Variants in ERI3 observed in about 807,000 individuals in gnomAD.
ERI3 encodes the protein ERI1 exoribonuclease 3.
ERI3 carries 18 observed loss-of-function variants against 44.4 expected under a neutral mutation model. That is an observed-to-expected ratio of 0.41 (90% CI 0.28 to 0.60). ERI3 has a LOEUF of 0.60. ERI3 is among the 20% of genes least tolerant of loss of function. The probability of loss-of-function intolerance (pLI) is 0.36; values close to 1 mark genes in which losing one functional copy is unlikely to be tolerated. For missense variants in ERI3, 294 were observed against 435.5 expected (o/e 0.68, Z 2.89); for synonymous variants, 183 against 164.8 (o/e 1.11, Z -0.84).
chr1:44,230,062 C>T (rs1000556794), intron 8 of ERI3, among the ~76,000 whole-genome samples: 22 of 152,148 alleles, frequency 1.4e-4, no homozygotes, highest in African/African-American at 5.3e-4. Flanking sequence ...GAGTATCGAG[C>T]TCTATTGACT....
At position 44,274,334 on chromosome 1, in the gene ERI3, G is replaced by A. The variant is rs114591699; in HGVS notation, c.831+10501C>T. Reference sequence around the variant, plus strand: ...GTCAAAGGTTAGAATACCAATCAAAGTAACAGTGCCGATGCAGTGAGACAT... The same window carrying A: ...GTCAAAGGTTAGAATACCAATCAAAATAACAGTGCCGATGCAGTGAGACAT... On this transcript the variant is annotated intron_variant, in intron 7 of 8. Transcript: ENST00000372257. Among the ~76,000 whole-genome samples, 1,262 of 152,324 alleles carry A rather than the reference G, an allele frequency of 8.3e-3. 18 individuals are homozygous for A. Among genetic ancestry groups the A allele is most frequent in the African/African-American group, 0.028 (1,169 of 41,562 alleles).
intron 7 of ERI3, among the ~76,000 whole-genome samples, chr1:44,248,694 T>A (rs902488087): frequency 7.8e-6 from 1 of 127,546 alleles, no homozygotes; most frequent in African/African-American, 3.3e-5. Flanking sequence ...TGTATGTGTG[T>A]GAGAGAGAGT....
chr1:44,324,433 CTGTT>C lies in ERI3; in HGVS notation c.490-4693_490-4690del, dbSNP rs200720732. On this transcript the variant is annotated intron_variant, in intron 3 of 8. Transcript: ENST00000372257. ...TCCCAGTCTTACCTAGGGTAATCAA[CTGTT>C]TGGTTGATCAGGACCAAGGGTTTCC... is the stretch of plus-strand genomic sequence containing the variant. Among the ~76,000 whole-genome samples, 71 of 149,982 alleles carry C rather than the reference CTGTT, an allele frequency of 4.7e-4. 1 individual carries two copies. The East Asian group carries it at 0.014, about 30-fold the overall frequency.
intron 2 of ERI3, among the ~76,000 whole-genome samples, chr1:44,352,467 T>A (rs1646915206): frequency 6.6e-6 from 1 of 151,590 alleles, no homozygotes; most frequent in South Asian, 2.1e-4. Context: ...GATAGATAAA[T>A]GTTTAAAGCC....
intron 2 of ERI3, among the ~76,000 whole-genome samples, chr1:44,341,279 T>C (rs1347582621): frequency 2.6e-5 from 4 of 152,144 alleles, no homozygotes; most frequent in Non-Finnish European, 5.9e-5. Context: ...ACTCCTTAAG[T>C]GAGAACAAAA....
At chr1:44,301,478 GAGA>G (rs1645724841) in intron 6 of ERI3, among the ~76,000 whole-genome samples, 1 of 152,216 alleles carries the variant, frequency 6.6e-6, no homozygotes, top group East Asian at 1.9e-4. Context: ...CCTTACCTCA[GAGA>G]AGGAGGCCAT....
rs566674921 is a variant in ERI3, at chr1:44,295,597, G to A, written c.759-10690C>T. 1.7e-3 allele frequency among the ~76,000 whole-genome samples: 255 copies of A among 152,342 alleles called. 1 individual carries two copies. The highest frequency in any genetic ancestry group is 5.9e-3 in the African/African-American group (245 of 41,578). On this transcript the variant is annotated intron_variant, in intron 6 of 8. Transcript: ENST00000372257. ...GGCAATTTCCAACAGGATTCCTTGG[G>A]AGAGAAGAGCTGCAGTGGAGGGTAA...
chr1:44,349,343 G>A (rs1163354064), intron 2 of ERI3, among the ~76,000 whole-genome samples: 9 of 151,992 alleles, frequency 5.9e-5, no homozygotes, highest in Non-Finnish European at 8.8e-5. Flanking sequence ...TGTAGAGATG[G>A]GGTTTCACCA....
chr1:44,250,957 C>A (rs570569673), intron 7 of ERI3, among the ~76,000 whole-genome samples: 19 of 152,312 alleles, frequency 1.2e-4, no homozygotes, highest in African/African-American at 4.3e-4. Flanking sequence ...GGTACTGACA[C>A]ATGCACCTGC....
At chr1:44,262,896 C>T (rs1411119318) in intron 7 of ERI3, among the ~76,000 whole-genome samples, 2 of 152,214 alleles carry the variant, frequency 1.3e-5, no homozygotes, top group Non-Finnish European at 2.9e-5. Context: ...CAGCCTTTCT[C>T]TGGGCCAGAA....
chr1:44,331,018 A>G (rs963662695), intron 3 of ERI3, among the ~76,000 whole-genome samples: 1 of 152,054 alleles, frequency 6.6e-6, no homozygotes, highest in South Asian at 2.1e-4. Context: ...ACACTCTTGG[A>G]TTTCACTTCC....
At position 44,307,048 on chromosome 1, in the gene ERI3, TC is replaced by T. The variant is rs1178288802; in HGVS notation, c.758+1261del. Among the ~76,000 whole-genome samples the T allele has an allele frequency of 1.1e-4, 16 of 152,306 alleles. 2 individuals are homozygous for T. The highest frequency in any genetic ancestry group is 3.9e-4 in the African/African-American group (16 of 41,558). On this transcript the variant is annotated intron_variant, in intron 6 of 8. Coordinates refer to ENST00000372257, the MANE Select transcript of ERI3 (RefSeq NM_024066.3). The stretch of plus-strand genomic sequence containing the variant: ...TCCTCTGATTCATATCTGCTTCTAG[TC>T]CCAGCCTGTATAATTTCCCTGACAA...
rs894705604 is a variant in ERI3 at position 44,290,831 on chromosome 1, G to A, written c.759-5924C>T. On this transcript the variant is annotated intron_variant, in intron 6 of 8. Coordinates refer to ENST00000372257, the MANE Select transcript of ERI3 (RefSeq NM_024066.3). ...TATCAGGAAGGGCTGTCAGCCAGAG[G>A]TGCCTATCTCCTCCCCCACTACGCA... Among the ~76,000 whole-genome samples, 7 of 152,274 alleles carry A rather than the reference G, an allele frequency of 4.6e-5. No individual in the cohort carries two copies. In the South Asian group the frequency reaches 1.2e-3, roughly 27 times the overall value.
intron 2 of ERI3, among the ~76,000 whole-genome samples, chr1:44,343,309 AC>A: frequency 6.6e-6 from 1 of 152,292 alleles, no homozygotes; most frequent in East Asian, 1.9e-4. Flanking sequence ...TCAAAGTATC[AC>A]CCCACAAAAT....
intron 7 of ERI3, among the ~76,000 whole-genome samples, chr1:44,281,588 G>GA (rs769332763): frequency 0.064 from 6,583 of 103,586 alleles, 273 homozygotes; most frequent in Middle Eastern, 0.16. Flanking sequence ...ACCCCGTCTC[G>GA]AAAAAAAAAA....
At chr1:44,351,236 G>GT (rs1157680315) in intron 2 of ERI3, among the ~76,000 whole-genome samples, 3 of 152,096 alleles carry the variant, frequency 2.0e-5, no homozygotes, top group Non-Finnish European at 4.4e-5. Flanking sequence ...GTTTCAACAT[G>GT]TTGGCCAGGC....
chr1:44,339,933 A>C (rs1646616716), intron 2 of ERI3, among the ~76,000 whole-genome samples: 1 of 152,178 alleles, frequency 6.6e-6, no homozygotes, highest in African/African-American at 2.4e-5. Flanking sequence ...CCCAACCCCC[A>C]CACTAGTAAG....
At chr1:44,336,666 A>G (rs1646541999) in intron 3 of ERI3, among the ~76,000 whole-genome samples, 1 of 152,260 alleles carries the variant, frequency 6.6e-6, no homozygotes. Context: ...CAGGTCAAGT[A>G]TCTTCTCTGG....
chr1:44,296,022 G>A (rs1645603113), intron 6 of ERI3, among the ~76,000 whole-genome samples: 2 of 152,178 alleles, frequency 1.3e-5, no homozygotes, highest in South Asian at 4.1e-4. Context: ...GGTTTAGGGA[G>A]GGGGCCAGGA....
Sources: allele counts gnomAD v4.1 joint callset (sites outside exome capture counted in the v4.1 genomes callset), GRCh38; gene constraint gnomAD v4.1.1; transcripts MANE v1.5; gene names NCBI Gene and HGNC (gene_info 2026-07-23, HGNC 2026-07-21).